The following TNFSF4 variants were observed in gnomAD, a reference collection of about 807,000 sequenced individuals.
TNFSF4 encodes TNF superfamily member 4.
A neutral mutation model predicts 7.3 loss-of-function variants in TNFSF4; 4 were observed. The observed-to-expected ratio is 0.55, with a 90% CI of 0.27 to 1.25. The LOEUF (loss-of-function observed/expected upper bound fraction) is 1.25, where lower values mean the gene tolerates loss of function less well. TNFSF4 is among the 50% of genes most tolerant of loss of function. The pLI is 0.12. For synonymous variants in TNFSF4, 76 were observed against 83.7 expected (o/e 0.91, Z 0.50); for missense variants, 181 against 208.8 (o/e 0.87, Z 0.82).
chr1:173,245,056 T>A, the TNFSF4 span, among the ~76,000 whole-genome samples: 1 of 151,982 alleles, frequency 6.6e-6, no homozygotes, highest in Admixed American at 6.6e-5. Context: ...ACTAAATTTT[T>A]CACTTCTACA....
At chr1:173,392,050 C>T in the TNFSF4 span, among the ~76,000 whole-genome samples, 6 of 152,186 alleles carry the variant, frequency 3.9e-5, no homozygotes, top group African/African-American at 1.4e-4. Flanking sequence ...TCCTGAAACC[C>T]AAAATATCAC....
intron 1 of TNFSF4, among the ~76,000 whole-genome samples, chr1:173,191,768 T>A (rs928067759): frequency 6.6e-6 from 1 of 152,198 alleles, no homozygotes; most frequent in Non-Finnish European, 1.5e-5. Flanking sequence ...CCTTTATACA[T>A]GTGAAAATAA....
At chr1:173,424,622 G>A in the TNFSF4 span, among the ~76,000 whole-genome samples, 2 of 152,190 alleles carry the variant, frequency 1.3e-5, no homozygotes, top group African/African-American at 4.8e-5. Flanking sequence ...GGCCATTCTA[G>A]GCAGAGGGAA....
At chr1:173,353,213 C>G in the TNFSF4 span, among the ~76,000 whole-genome samples, 1 of 152,150 alleles carries the variant, frequency 6.6e-6, no homozygotes, top group African/African-American at 2.4e-5. Context: ...AAAGTAAAGA[C>G]AGGCATAGGA....
the TNFSF4 span, among the ~76,000 whole-genome samples, chr1:173,225,332 T>G: frequency 6.6e-6 from 1 of 152,346 alleles, no homozygotes; most frequent in Non-Finnish European, 1.5e-5. Context: ...TCATAGGTTA[T>G]GGTGGAATGG....
chr1:173,397,111 A>C, the TNFSF4 span, among the ~76,000 whole-genome samples: 1 of 152,242 alleles, frequency 6.6e-6, no homozygotes, highest in Non-Finnish European at 1.5e-5. Flanking sequence ...TGGCTGGCTG[A>C]TCACGGTGTT....
intron 1 of TNFSF4, among the ~76,000 whole-genome samples, chr1:173,199,457 T>C (rs1649848099): frequency 6.6e-6 from 1 of 152,150 alleles, no homozygotes; most frequent in Non-Finnish European, 1.5e-5. Context: ...ACACACAAGA[T>C]ACACATTTGA....
At chr1:173,416,608 T>TTTATTTATTTATTTATTTATTTA in the TNFSF4 span, among the ~76,000 whole-genome samples, 4 of 121,942 alleles carry the variant, frequency 3.3e-5, no homozygotes, top group Non-Finnish European at 3.4e-5. Context: ...ATTTTTTTAT[T>TTTATTTATTTATTTATTTATTTA]TTTATTTATT....
At chr1:173,376,048 C>T in the TNFSF4 span, among the ~76,000 whole-genome samples, 3 of 152,136 alleles carry the variant, frequency 2.0e-5, no homozygotes, top group Non-Finnish European at 4.4e-5. Flanking sequence ...GTTACTCCTC[C>T]CTCAATGAGT....
At chr1:173,448,241 AAAC>A in the TNFSF4 span, among the ~76,000 whole-genome samples, 1 of 152,228 alleles carries the variant, frequency 6.6e-6, no homozygotes, top group African/African-American at 2.4e-5. Flanking sequence ...GATGAGACCC[AAAC>A]AACGTTATGT....
the TNFSF4 span, among the ~76,000 whole-genome samples, chr1:173,423,158 T>C: frequency 1.3e-5 from 2 of 152,128 alleles, no homozygotes; most frequent in Non-Finnish European, 2.9e-5. Flanking sequence ...CACCAATACA[T>C]GGGGCTTTCA....
At chr1:173,254,432 C>T in the TNFSF4 span, among the ~76,000 whole-genome samples, 1 of 152,052 alleles carries the variant, frequency 6.6e-6, no homozygotes, top group Non-Finnish European at 1.5e-5. Flanking sequence ...GAAGGGACTT[C>T]CTTATTCAAC....
At chr1:173,411,047 C>G in the TNFSF4 span, among the ~76,000 whole-genome samples, 1 of 152,206 alleles carries the variant, frequency 6.6e-6, no homozygotes. Context: ...TCTGATTTCC[C>G]CCTGCTGACA....
the TNFSF4 span, among the ~76,000 whole-genome samples, chr1:173,274,516 C>T: frequency 6.6e-6 from 1 of 152,024 alleles, no homozygotes; most frequent in South Asian, 2.1e-4. Context: ...CTAAGATGTC[C>T]CCCTCTTCCC....
At chr1:173,231,557 A>C in the TNFSF4 span, among the ~76,000 whole-genome samples, 1 of 152,198 alleles carries the variant, frequency 6.6e-6, no homozygotes, top group African/African-American at 2.4e-5. Context: ...GCCCTCTCTC[A>C]CCACTCCTAT....
chr1:173,248,498 AAG>A, the TNFSF4 span, among the ~76,000 whole-genome samples: 2 of 151,874 alleles, frequency 1.3e-5, no homozygotes, highest in East Asian at 1.9e-4. Context: ...GAAGGAAAGA[AAG>A]AAAGAAAGAA....
the TNFSF4 span, among the ~76,000 whole-genome samples, chr1:173,322,036 T>C: frequency 6.6e-6 from 1 of 152,162 alleles, no homozygotes; most frequent in Admixed American, 6.5e-5. Flanking sequence ...GCAGCACTAT[T>C]TACAATAGCA....
At chr1:173,309,049 A>G in the TNFSF4 span, among the ~76,000 whole-genome samples, 1 of 152,026 alleles carries the variant, frequency 6.6e-6, no homozygotes, top group South Asian at 2.1e-4. Flanking sequence ...GTCACATGCT[A>G]GAAGATCTTA....
chr1:173,362,409 G>T, the TNFSF4 span: 1 of 451,924 alleles, frequency 2.2e-6, no homozygotes, highest in Non-Finnish European at 4.3e-6. Flanking sequence ...AATGGCTGTT[G>T]CTCTTTCCTT....
Sources: allele counts gnomAD v4.1 joint callset (sites outside exome capture counted in the v4.1 genomes callset), GRCh38; gene constraint gnomAD v4.1.1; transcripts MANE v1.5; gene names NCBI Gene and HGNC (gene_info 2026-07-23, HGNC 2026-07-21).